IL1RAPL2: variants seen among roughly 807,000 people sequenced by gnomAD.
IL1RAPL2 encodes interleukin 1 receptor accessory protein like 2, also known as X-linked interleukin-1 receptor accessory protein-like 2.
IL1RAPL2 carries 3 observed loss-of-function variants against 44.1 expected under a neutral mutation model. The observed-to-expected ratio is 0.07, with a 90% CI of 0.03 to 0.18. The LOEUF is 0.18. Ranked by LOEUF, IL1RAPL2 falls within the 10% of genes least tolerant of loss-of-function variation. IL1RAPL2 has a pLI of 1.00. For missense variants in IL1RAPL2, 391 were observed against 496.4 expected (o/e 0.79, Z 2.02); for synonymous variants, 181 against 178.8 (o/e 1.01, Z -0.10).
intron 10 of IL1RAPL2, among the ~76,000 whole-genome samples, chrX:105,759,009 G>A (rs2038663896): frequency 8.9e-6 from 1 of 111,994 alleles, no homozygotes; most frequent in South Asian, 3.7e-4. Flanking sequence ...ATGAACAGAT[G>A]TGCTCTGAAG....
intron 2 of IL1RAPL2, among the ~76,000 whole-genome samples, chrX:104,942,083 T>C (rs1925194457): frequency 8.9e-6 from 1 of 112,130 alleles, no homozygotes; most frequent in Non-Finnish European, 1.9e-5. Context: ...ACCAGTACCA[T>C]GCTGTTTTGG....
intron 6 of IL1RAPL2, among the ~76,000 whole-genome samples, chrX:105,716,330 T>G (rs748910723): frequency 3.6e-5 from 4 of 112,617 alleles, no homozygotes; most frequent in Non-Finnish European, 7.5e-5. Flanking sequence ...TTGTGTTTAT[T>G]TAACAAGAAC....
intron 1 of IL1RAPL2, among the ~76,000 whole-genome samples, chrX:104,603,024 C>T (rs1928918912): frequency 9.0e-6 from 1 of 111,667 alleles, no homozygotes; most frequent in Non-Finnish European, 1.9e-5. Context: ...CCGCATGTAT[C>T]ATGACTGGAA....
rs773871116 is a variant in IL1RAPL2 at position 104,949,785 on chromosome X, A to G, written c.83-245690A>G. On this transcript the variant is annotated intron_variant, in intron 2 of 10. Transcript: ENST00000372582. ...TTGATTGCACTGTGGTCTGAGAGAC[A>G]GTTTGTTATAATTTCTGTTCTTTTA... 8.1e-5 allele frequency among the ~76,000 whole-genome samples: 9 copies of G among 111,388 alleles called. No individual in the cohort carries two copies. In the East Asian group the frequency reaches 1.7e-3, roughly 21 times the overall value.
intron 5 of IL1RAPL2, among the ~76,000 whole-genome samples, chrX:105,448,089 A>G (rs1403198939): frequency 9.6e-6 from 1 of 104,469 alleles, no homozygotes; most frequent in Non-Finnish European, 1.9e-5. Context: ...TGTGGTTTCC[A>G]CTGAAAAGTC....
intron 2 of IL1RAPL2, among the ~76,000 whole-genome samples, chrX:104,694,042 G>T (rs1931138502): frequency 8.9e-6 from 1 of 111,758 alleles, no homozygotes; most frequent in African/African-American, 3.3e-5. Context: ...ATTTGCATTT[G>T]GGGGGAACCT....
rs1042768040 is a variant in IL1RAPL2 at position 104,925,333 on chromosome X, A to T, written c.82+266338A>T. ...ACTATTCCAAAAAAATCGAGGAGGG[A>T]ATCCTTCCCAACTCATTCTATGAGG... On this transcript the variant is annotated intron_variant, in intron 2 of 10. Coordinates refer to ENST00000372582, the MANE Select transcript of IL1RAPL2 (RefSeq NM_017416.2). Among the ~76,000 whole-genome samples, 4 of 110,257 alleles carry T rather than the reference A, an allele frequency of 3.6e-5. No homozygotes were observed. The Admixed American group carries it at 3.9e-4, about 11-fold the overall frequency.
chrX:105,442,869 A>C (rs2035930454), intron 5 of IL1RAPL2, among the ~76,000 whole-genome samples: 1 of 111,556 alleles, frequency 9.0e-6, no homozygotes, highest in Admixed American at 9.5e-5. Context: ...TGAGGACGGG[A>C]GTTCAAGACC....
intron 6 of IL1RAPL2, among the ~76,000 whole-genome samples, chrX:105,683,608 G>A (rs1206038516): frequency 1.8e-5 from 2 of 109,982 alleles, no homozygotes; most frequent in South Asian, 3.8e-4. Context: ...GATTTGAAGA[G>A]TAAAAAAACA....
intron 5 of IL1RAPL2, among the ~76,000 whole-genome samples, chrX:105,474,874 AAC>A (rs2036187943): frequency 9.0e-6 from 1 of 110,934 alleles, no homozygotes; most frequent in Non-Finnish European, 1.9e-5. Flanking sequence ...CACACAAAAA[AAC>A]AGTCTTAAAA....
At chrX:105,044,510 C>G (rs891672510) in intron 2 of IL1RAPL2, among the ~76,000 whole-genome samples, 5 of 111,356 alleles carry the variant, frequency 4.5e-5, no homozygotes, top group East Asian at 5.7e-4. Context: ...ACTGACTCAG[C>G]TGACCTTGGG....
intron 2 of IL1RAPL2, among the ~76,000 whole-genome samples, chrX:104,828,754 T>A: frequency 8.9e-6 from 1 of 112,377 alleles, no homozygotes; most frequent in South Asian, 3.7e-4. Flanking sequence ...AGGTGCTCTG[T>A]CTCAGGGAGA....
chrX:105,083,724 A>G lies in IL1RAPL2; in HGVS notation c.83-111751A>G, dbSNP rs6621921. Among the ~76,000 whole-genome samples, 67 of 112,245 alleles carry G rather than the reference A, an allele frequency of 6.0e-4. No homozygotes were observed. In the East Asian group the frequency reaches 0.012, roughly 21 times the overall value. On this transcript the variant is annotated intron_variant, in intron 2 of 10. Transcript: ENST00000372582. ...TTTCATATCCAGCCAAATAAGTTTC[A>G]TAAGTAAAGGAGAAATAGAATCCTT...
At chrX:105,055,685 T>A (rs958109140) in intron 2 of IL1RAPL2, among the ~76,000 whole-genome samples, 1 of 112,167 alleles carries the variant, frequency 8.9e-6, no homozygotes, top group Admixed American at 9.4e-5. Flanking sequence ...AGACTGGATT[T>A]GTCTGTGAAT....
intron 2 of IL1RAPL2, among the ~76,000 whole-genome samples, chrX:104,812,648 T>C (rs1482665354): frequency 9.0e-6 from 1 of 111,612 alleles, no homozygotes; most frequent in Non-Finnish European, 1.9e-5. Flanking sequence ...AGGTGGCCCA[T>C]AGGATCATTT....
At chrX:105,201,421 A>G (rs1443766729) in intron 3 of IL1RAPL2, among the ~76,000 whole-genome samples, 1 of 112,156 alleles carries the variant, frequency 8.9e-6, no homozygotes, top group Admixed American at 9.4e-5. Context: ...CCATAACAAA[A>G]AAAAGAAGAA....
intron 5 of IL1RAPL2, among the ~76,000 whole-genome samples, chrX:105,358,045 A>AG (rs1385492392): frequency 1.2e-4 from 12 of 99,703 alleles, no homozygotes; most frequent in African/African-American, 4.4e-4. Flanking sequence ...TCTAAAAAAA[A>AG]AAAAAAAAAA....
rs141609581 is a variant in IL1RAPL2 at position 104,831,101 on chromosome X, A to G, written c.82+172106A>G. ...CACAGGAAAGTTATGTAGCACTTTG[A>G]ACTAATTTTCAAGATAATTATTAAA... On this transcript the variant is annotated intron_variant, in intron 2 of 10. Transcript: ENST00000372582. 3.8e-4 allele frequency among the ~76,000 whole-genome samples: 43 copies of G among 111,829 alleles called. No homozygotes were observed. The East Asian group carries it at 0.01, about 27-fold the overall frequency.
intron 2 of IL1RAPL2, among the ~76,000 whole-genome samples, chrX:104,761,860 TCTC>T (rs1282122789): frequency 1.2e-3 from 44 of 35,770 alleles, no homozygotes; most frequent in South Asian, 4.6e-3. Context: ...TCCTTCTCCT[TCTC>T]CTTCTCCTTC....
Sources: allele counts gnomAD v4.1 joint callset (sites outside exome capture counted in the v4.1 genomes callset), GRCh38; gene constraint gnomAD v4.1.1; transcripts MANE v1.5; gene names NCBI Gene and HGNC (gene_info 2026-07-23, HGNC 2026-07-21).